Variants in SUMF1 observed in about 807,000 individuals in gnomAD.
SUMF1 encodes the protein formylglycine-generating enzyme.
Under a neutral mutation model 47.6 loss-of-function variants are expected in SUMF1, and 48 were observed. The ratio of observed to expected loss-of-function variants is 1.01; its 90% CI spans 0.80 to 1.28. SUMF1 has a LOEUF of 1.28. Ranked by LOEUF, SUMF1 falls within the 50% of genes most tolerant of loss-of-function variation. SUMF1 has a pLI of 0.00. For missense variants in SUMF1, 571 were observed against 485.4 expected (o/e 1.18, Z -1.66); for synonymous variants, 230 against 192.1 (o/e 1.20, Z -1.63).
At chr3:4,246,172 T>G (rs537613827) in intron 8 of SUMF1, among the ~76,000 whole-genome samples, 10 of 152,252 alleles carry the variant, frequency 6.6e-5, no homozygotes, top group Admixed American at 6.5e-5. Flanking sequence ...ACTCATGGCT[T>G]CCCTTGGCTA....
intron 8 of SUMF1, among the ~76,000 whole-genome samples, chr3:4,314,838 A>G (rs1349605661): frequency 1.3e-5 from 2 of 152,176 alleles, no homozygotes; most frequent in Admixed American, 1.3e-4. Flanking sequence ...AGCCCCTATG[A>G]TATTATTAAG....
chr3:4,150,622 T>C (rs952035090), intron 8 of SUMF1, among the ~76,000 whole-genome samples: 6 of 151,478 alleles, frequency 4.0e-5, no homozygotes, highest in Non-Finnish European at 7.4e-5. Flanking sequence ...TGGGCTCAAG[T>C]AATTCTACCA....
intron 8 of SUMF1, among the ~76,000 whole-genome samples, chr3:4,329,043 T>C (rs1698999381): frequency 6.6e-6 from 1 of 152,172 alleles, no homozygotes; most frequent in Non-Finnish European, 1.5e-5. Flanking sequence ...CACATCCAGG[T>C]CATGCTGATG....
chr3:4,130,258 A>G (rs1251546745), intron 8 of SUMF1, among the ~76,000 whole-genome samples: 2 of 152,176 alleles, frequency 1.3e-5, no homozygotes, highest in Admixed American at 6.5e-5. Flanking sequence ...TTGCTTGAGC[A>G]AATTAACACA....
intron 8 of SUMF1, among the ~76,000 whole-genome samples, chr3:4,168,129 TC>T (rs1381332616): frequency 2.0e-5 from 3 of 152,176 alleles, no homozygotes; most frequent in Non-Finnish European, 4.4e-5. Context: ...CTATATCCCT[TC>T]AATCAGAACT....
chr3:4,429,744 C>T (rs112593587), intron 3 of SUMF1, among the ~76,000 whole-genome samples: 4 of 152,040 alleles, frequency 2.6e-5, no homozygotes, highest in African/African-American at 9.7e-5. Context: ...GCCCTTCAAA[C>T]GACAGGCTGG....
chr3:4,315,260 T>C (rs760904632), intron 8 of SUMF1, among the ~76,000 whole-genome samples: 31 of 152,230 alleles, frequency 2.0e-4, no homozygotes, highest in Non-Finnish European at 4.3e-4. Flanking sequence ...ATGTGCTTTT[T>C]CTTGCTCACA....
chr3:4,408,377 G>A (rs1207382319), intron 7 of SUMF1, among the ~76,000 whole-genome samples: 1 of 152,148 alleles, frequency 6.6e-6, no homozygotes. Context: ...TTAACATTAT[G>A]TAGTAGGTAC....
At chr3:4,195,646 T>C (rs563646355) in intron 8 of SUMF1, among the ~76,000 whole-genome samples, 30 of 152,296 alleles carry the variant, frequency 2.0e-4, no homozygotes, top group Admixed American at 7.2e-4. Context: ...GGCAAGGATC[T>C]AAGCATATCA....
At chr3:4,160,683 T>A (rs1694555304) in intron 8 of SUMF1, among the ~76,000 whole-genome samples, 1 of 152,066 alleles carries the variant, frequency 6.6e-6, no homozygotes, top group African/African-American at 2.4e-5. Flanking sequence ...ACTATTTCCA[T>A]CTCTTTGTTA....
intron 8 of SUMF1, among the ~76,000 whole-genome samples, chr3:4,305,538 G>T (rs1698157675): frequency 6.6e-6 from 1 of 152,184 alleles, no homozygotes; most frequent in South Asian, 2.1e-4. Context: ...GAGGGGGAAA[G>T]GGGATTCTCT....
intron 8 of SUMF1, among the ~76,000 whole-genome samples, chr3:4,080,965 C>T (rs1574865289): frequency 6.6e-6 from 1 of 152,168 alleles, no homozygotes; most frequent in East Asian, 1.9e-4. Flanking sequence ...ATTTTCTTAC[C>T]TCAGTTTGCT....
At chr3:4,309,090 A>G (rs1276926915) in intron 8 of SUMF1, among the ~76,000 whole-genome samples, 1 of 152,226 alleles carries the variant, frequency 6.6e-6, no homozygotes, top group Non-Finnish European at 1.5e-5. Flanking sequence ...TGCTTGAAGG[A>G]ATTGTTATTG....
chr3:4,258,071 G>A (rs1039047542), intron 8 of SUMF1, among the ~76,000 whole-genome samples: 24 of 151,270 alleles, frequency 1.6e-4, no homozygotes, highest in Non-Finnish European at 2.5e-4. Context: ...GCAGAAAGCT[G>A]AAACTGGATC....
chr3:4,089,052 C>A (rs1692729863), intron 8 of SUMF1, among the ~76,000 whole-genome samples: 2 of 152,074 alleles, frequency 1.3e-5, no homozygotes, highest in African/African-American at 4.8e-5. Context: ...ACATATACCC[C>A]TGTCACACAG....
chr3:4,044,043 T>C (rs540702404), intron 9 of SUMF1, among the ~76,000 whole-genome samples: 4 of 152,258 alleles, frequency 2.6e-5, no homozygotes, highest in Admixed American at 1.3e-4. Context: ...CAATAGTCAT[T>C]TTGGCCTCTA....
chr3:4,239,829 G>A (rs185190673), intron 8 of SUMF1, among the ~76,000 whole-genome samples: 3 of 152,262 alleles, frequency 2.0e-5, no homozygotes, highest in African/African-American at 7.2e-5. Context: ...TGGTGAGAGA[G>A]GGCATCCTTG....
At chr3:4,281,367 G>T (rs1476565831) in intron 8 of SUMF1, among the ~76,000 whole-genome samples, 1 of 152,134 alleles carries the variant, frequency 6.6e-6, no homozygotes, top group African/African-American at 2.4e-5. Flanking sequence ...GAAAAAGCCA[G>T]AGAAAAGGAA....
intron 8 of SUMF1, among the ~76,000 whole-genome samples, chr3:4,331,275 C>A (rs1337057663): frequency 4.0e-5 from 6 of 151,696 alleles, no homozygotes; most frequent in Non-Finnish European, 8.8e-5. Context: ...TTAACAAAAA[C>A]CACATTTTCA....
Sources: gnomAD v4.1 joint callset for allele counts (sites outside exome capture counted in the v4.1 genomes callset) on GRCh38, gnomAD v4.1.1 for gene constraint, MANE v1.5 for transcripts, NCBI Gene and HGNC (gene_info 2026-07-23, HGNC 2026-07-21) for gene names.